The following DIS3L2 variants were observed in gnomAD, a reference collection of about 807,000 sequenced individuals.
DIS3L2 encodes the protein DIS3 like 3'-5' exoribonuclease 2.
Under a neutral mutation model 97.5 loss-of-function variants are expected in DIS3L2, and 34 were observed. The observed-to-expected ratio is 0.35, with a 90% confidence interval of 0.27 to 0.46. DIS3L2 has a LOEUF of 0.46. DIS3L2 is among the 20% of genes least tolerant of loss of function. The pLI, the probability that DIS3L2 is intolerant of heterozygous loss-of-function variation, is 1.00. For synonymous variants in DIS3L2, 435 were observed against 445.2 expected (o/e 0.98, Z 0.29); for missense variants, 1,038 against 1,146.0 (o/e 0.91, Z 1.36).
intron 14 of DIS3L2, 28 bp from the exon 15 acceptor site, chr2:232,329,785 T>TGCCGGGGGG: frequency 3.9e-4 from 381 of 966,898 alleles, no homozygotes; most frequent in Non-Finnish European, 5.0e-4. Flanking sequence ...ACCCCAGCGG[T>TGCCGGGGGG]CCCTCCCATC....
chr2:232,237,586 C>T (rs533721942), intron 10 of DIS3L2, among the ~76,000 whole-genome samples: 4 of 151,736 alleles, frequency 2.6e-5, no homozygotes, highest in East Asian at 1.9e-4. Flanking sequence ...AGAGATATGC[C>T]GTGATATCTG....
At chr2:231,975,201 A>C (rs1693047706) in intron 1 of DIS3L2, among the ~76,000 whole-genome samples, 1 of 152,194 alleles carries the variant, frequency 6.6e-6, no homozygotes, top group African/African-American at 2.4e-5. Flanking sequence ...AGCTAAAAGA[A>C]TGTAGGAAAC....
intron 1 of DIS3L2, among the ~76,000 whole-genome samples, chr2:231,972,550 T>A: frequency 6.6e-6 from 1 of 152,216 alleles, no homozygotes; most frequent in East Asian, 1.9e-4. Flanking sequence ...GTAACCTTTC[T>A]TTTTTCTTTT....
At chr2:232,310,558 A>G (rs1695098099) in intron 14 of DIS3L2, among the ~76,000 whole-genome samples, 1 of 152,198 alleles carries the variant, frequency 6.6e-6, no homozygotes, top group Admixed American at 6.5e-5. Context: ...CAATCAGGAT[A>G]TTTTGTCTGC....
downstream of DIS3L2, among the ~76,000 whole-genome samples, chr2:232,340,160 G>C (rs970935215): frequency 1.1e-4 from 17 of 152,182 alleles, no homozygotes; most frequent in Admixed American, 3.3e-4. Context: ...GGATTTTAAG[G>C]CCTATCCATA....
intron 5 of DIS3L2, among the ~76,000 whole-genome samples, chr2:232,053,455 A>G (rs1337308131): frequency 1.3e-5 from 2 of 152,184 alleles, no homozygotes; most frequent in African/African-American, 4.8e-5. Context: ...TGGGTGTCCT[A>G]CATTTTAACT....
At chr2:232,042,547 C>G (rs1278202545) in intron 5 of DIS3L2, among the ~76,000 whole-genome samples, 3 of 152,130 alleles carry the variant, frequency 2.0e-5, no homozygotes, top group Non-Finnish European at 2.9e-5. Flanking sequence ...GGTATATCCA[C>G]TAACATGATC....
At chr2:232,295,459 T>A (rs986704711) in intron 13 of DIS3L2, among the ~76,000 whole-genome samples, 1 of 152,232 alleles carries the variant, frequency 6.6e-6, no homozygotes, top group Non-Finnish European at 1.5e-5. Context: ...TTGTGTTGGA[T>A]CCAATCCCTT....
At chr2:232,279,269 T>G (rs1450878115) in intron 13 of DIS3L2, among the ~76,000 whole-genome samples, 1 of 152,190 alleles carries the variant, frequency 6.6e-6, no homozygotes, top group Non-Finnish European at 1.5e-5. Context: ...TTGTCAGCAC[T>G]TGGTATTGTC....
intron 9 of DIS3L2, among the ~76,000 whole-genome samples, chr2:232,197,570 C>T (rs915814336): frequency 1.3e-5 from 2 of 152,112 alleles, no homozygotes; most frequent in Admixed American, 1.3e-4. Context: ...AAAATGAAGT[C>T]ATTGTCAACC....
intron 9 of DIS3L2, among the ~76,000 whole-genome samples, chr2:232,175,606 T>C (rs946459734): frequency 4.6e-5 from 7 of 152,092 alleles, no homozygotes; most frequent in Admixed American, 1.3e-4. Context: ...CGGGGGTACA[T>C]GTATGTACGG....
intron 9 of DIS3L2, among the ~76,000 whole-genome samples, chr2:232,166,372 G>A (rs1329955212): frequency 6.6e-6 from 1 of 152,164 alleles, no homozygotes; most frequent in Non-Finnish European, 1.5e-5. Flanking sequence ...AGGATCCAAA[G>A]ACAGAAGGAG....
intron 9 of DIS3L2, among the ~76,000 whole-genome samples, chr2:232,192,954 C>T (rs1691656004): frequency 6.6e-6 from 1 of 152,216 alleles, no homozygotes; most frequent in Admixed American, 6.5e-5. Flanking sequence ...TCTCCTACTT[C>T]ACACACTGGC....
intron 1 of DIS3L2, among the ~76,000 whole-genome samples, chr2:231,975,017 C>T (rs1401242592): frequency 6.6e-6 from 1 of 152,124 alleles, no homozygotes; most frequent in Non-Finnish European, 1.5e-5. Context: ...GTTTGTCTCA[C>T]CATAATTTAA....
chr2:232,126,960 A>G (rs1201820877), intron 6 of DIS3L2, among the ~76,000 whole-genome samples: 1 of 152,178 alleles, frequency 6.6e-6, no homozygotes, highest in Non-Finnish European at 1.5e-5. Flanking sequence ...TCTCTTTGGA[A>G]CATCTATATC....
intron 5 of DIS3L2, among the ~76,000 whole-genome samples, chr2:232,086,298 T>TATATACATATGC (rs961456457): frequency 1.3e-5 from 2 of 149,710 alleles, no homozygotes; most frequent in African/African-American, 4.9e-5. Flanking sequence ...TATGTATACA[T>TATATACATATGC]ATATACATAT....
At chr2:232,216,848 C>A (rs1172964183) in intron 10 of DIS3L2, among the ~76,000 whole-genome samples, 1 of 149,106 alleles carries the variant, frequency 6.7e-6, no homozygotes, top group African/African-American at 2.5e-5. Context: ...CCCCTCCCCT[C>A]CCCTCCCCTC....
intron 6 of DIS3L2, among the ~76,000 whole-genome samples, chr2:232,116,812 C>T (rs185688704): frequency 7.7e-6 from 1 of 130,322 alleles, no homozygotes; most frequent in East Asian, 2.2e-4. Flanking sequence ...ATGCTTAAAA[C>T]AAACAAAAAA....
At chr2:232,010,004 G>C (rs1216607922) in intron 1 of DIS3L2, among the ~76,000 whole-genome samples, 1 of 152,146 alleles carries the variant, frequency 6.6e-6, no homozygotes, top group Admixed American at 6.5e-5. Flanking sequence ...ATCACAGCTT[G>C]TCCTACCCTG....
Sources: gnomAD v4.1 joint callset for allele counts (sites outside exome capture counted in the v4.1 genomes callset) on GRCh38, gnomAD v4.1.1 for gene constraint, MANE v1.5 for transcripts, NCBI Gene and HGNC (gene_info 2026-07-23, HGNC 2026-07-21) for gene names.